Variants in PCDH15 observed in about 807,000 individuals in gnomAD.
PCDH15 encodes protocadherin-15.
A neutral mutation model predicts 178.5 loss-of-function variants in PCDH15; 129 were observed. The observed-to-expected ratio is 0.72, with a 90% confidence interval of 0.63 to 0.84. The LOEUF (loss-of-function observed/expected upper bound fraction) is 0.84. Among genes scored for constraint, PCDH15 ranks in the 40% least tolerant of loss-of-function variants. PCDH15 has a pLI of 0.00. For synonymous variants in PCDH15, 800 were observed against 732.0 expected (o/e 1.09, Z -1.50); for missense variants, 2,230 against 2,099.9 (o/e 1.06, Z -1.21).
At chr10:54,057,280 A>G (rs1210730194) in intron 18 of PCDH15, among the ~76,000 whole-genome samples, 1 of 152,342 alleles carries the variant, frequency 6.6e-6, no homozygotes, top group Admixed American at 6.5e-5. Context: ...TCCCTTCTGC[A>G]CTACCCTGGC....
At chr10:53,819,083 A>G (rs2076164031) in intron 33 of PCDH15, among the ~76,000 whole-genome samples, 1 of 152,062 alleles carries the variant, frequency 6.6e-6, no homozygotes, top group Admixed American at 6.5e-5. Context: ...GCCAATATTT[A>G]TAAGACTGAT....
chr10:54,361,098 T>C (rs1317256023), intron 5 of PCDH15, among the ~76,000 whole-genome samples: 1 of 152,102 alleles, frequency 6.6e-6, no homozygotes, highest in African/African-American at 2.4e-5. Flanking sequence ...TCCCTTGCCA[T>C]AGCCAGATTA....
intron 1 of PCDH15, among the ~76,000 whole-genome samples, chr10:55,275,003 ATT>A: frequency 6.6e-6 from 1 of 152,060 alleles, no homozygotes; most frequent in Non-Finnish European, 1.5e-5. Context: ...CCACTAAAAA[ATT>A]ATAGAGTCCC....
chr10:54,978,871 A>G (rs1419868165), intron 2 of PCDH15, among the ~76,000 whole-genome samples: 1 of 152,148 alleles, frequency 6.6e-6, no homozygotes, highest in Non-Finnish European at 1.5e-5. Flanking sequence ...TGAGGTATAC[A>G]TGTTAGTAAA....
intron 2 of PCDH15, among the ~76,000 whole-genome samples, chr10:54,628,035 T>C (rs1338508551): frequency 1.3e-5 from 2 of 152,198 alleles, no homozygotes; most frequent in Admixed American, 6.5e-5. Flanking sequence ...TTGAGGAATA[T>C]ACTAGGATTA....
intron 3 of PCDH15, among the ~76,000 whole-genome samples, chr10:54,834,314 C>T (rs1953276241): frequency 3.3e-5 from 5 of 151,710 alleles, no homozygotes; most frequent in Admixed American, 3.3e-4. Flanking sequence ...CTTAGCTTCC[C>T]AAGTAGCTGG....
At chr10:54,531,102 G>A (rs2083868474) in intron 2 of PCDH15, among the ~76,000 whole-genome samples, 1 of 152,146 alleles carries the variant, frequency 6.6e-6, no homozygotes, top group African/African-American at 2.4e-5. Flanking sequence ...GTACCCTATG[G>A]TCTGTGGATC....
intron 2 of PCDH15, among the ~76,000 whole-genome samples, chr10:55,445,814 T>C (rs1370390208): frequency 6.6e-6 from 1 of 152,176 alleles, no homozygotes; most frequent in East Asian, 1.9e-4. Flanking sequence ...TTCTTGGTCC[T>C]TTGATTCATT....
intron 3 of PCDH15, among the ~76,000 whole-genome samples, chr10:54,452,113 C>A (rs2076516493): frequency 6.6e-6 from 1 of 151,916 alleles, no homozygotes; most frequent in African/African-American, 2.4e-5. Context: ...GAGGCATATT[C>A]TGATTAGTGA....
rs558254414 is a variant in PCDH15, at chr10:54,733,065, G to A, written c.-29+67860C>T. Among the ~76,000 whole-genome samples the A allele has an allele frequency of 1.2e-3, 182 of 151,574 alleles. 1 individual carries two copies. Among genetic ancestry groups the A allele is most frequent in the African/African-American group, 4.2e-3 (174 of 41,466 alleles). ...AACGTACAGCTAACATTATAATGGC[G>A]AAAGACTGACAAAGCAAGTATATCT... On this transcript the variant is annotated intron_variant, in intron 1 of 37. Transcript: ENST00000644397.
intron 2 of PCDH15, among the ~76,000 whole-genome samples, chr10:55,611,719 C>A (rs1003499851): frequency 2.0e-5 from 3 of 152,022 alleles, no homozygotes; most frequent in African/African-American, 4.8e-5. Context: ...TTCATTGCAG[C>A]ATTATTCACA....
chr10:54,928,973 G>T (rs914524006), intron 2 of PCDH15, among the ~76,000 whole-genome samples: 3 of 152,222 alleles, frequency 2.0e-5, no homozygotes, highest in African/African-American at 7.2e-5. Context: ...ATGGAAAGGT[G>T]ATGTGGTTGT....
At chr10:55,253,271 C>A (rs1841895490) in intron 1 of PCDH15, among the ~76,000 whole-genome samples, 1 of 148,002 alleles carries the variant, frequency 6.8e-6, no homozygotes, top group South Asian at 2.1e-4. Context: ...TGTGTGTGTG[C>A]ATGCAAGTAA....
intron 6 of PCDH15, among the ~76,000 whole-genome samples, chr10:54,340,953 G>A (rs554876355): frequency 3.4e-4 from 51 of 152,168 alleles, no homozygotes; most frequent in African/African-American, 1.2e-3. Context: ...GCCTCTTAAC[G>A]TGCATGCTTC....
intron 2 of PCDH15, among the ~76,000 whole-genome samples, chr10:55,103,798 T>C (rs1197104337): frequency 1.3e-5 from 2 of 152,098 alleles, no homozygotes; most frequent in African/African-American, 4.8e-5. Context: ...CACTTGAATG[T>C]CTTTTGGGTT....
At chr10:55,125,046 C>G (rs1837862154) in intron 2 of PCDH15, among the ~76,000 whole-genome samples, 1 of 151,972 alleles carries the variant, frequency 6.6e-6, no homozygotes, top group Admixed American at 6.6e-5. Context: ...AAAAGTGATA[C>G]TGATGGGACT....
rs754391973 is a variant in PCDH15, at chr10:53,961,790, G to C, written c.2971C>G (p.Arg991Gly). ...GTAGGTTCTTCATTAAGATTGACTCGTGTTATTACTCTTCCAGAATCTTCT... is the reference window on the plus strand; with the variant it reads ...GTAGGTTCTTCATTAAGATTGACTCCTGTTATTACTCTTCCAGAATCTTCT... The part of the protein sequence containing the change: ...VEEDSGRVIT[R>G]VNLNEEPTTI... Residue 991 changes from arginine (R) to glycine (G), a missense_variant, in exon 22 of 38, where the codon CGA becomes GGA. Transcript: ENST00000644397. 24 of 1,610,818 alleles carry C rather than the reference G, an allele frequency of 1.5e-5. No homozygotes were observed. The South Asian group carries it at 2.6e-4, about 18-fold the overall frequency.
At chr10:55,544,380 G>A (rs1288780463) in intron 2 of PCDH15, among the ~76,000 whole-genome samples, 3 of 151,044 alleles carry the variant, frequency 2.0e-5, no homozygotes, top group Admixed American at 1.3e-4. Flanking sequence ...ATTTCTTCAC[G>A]AATCAAATTT....
chr10:54,914,867 C>A (rs180831629), intron 2 of PCDH15, among the ~76,000 whole-genome samples: 32 of 152,272 alleles, frequency 2.1e-4, no homozygotes, highest in African/African-American at 7.2e-4. Context: ...TGGTAAGTGT[C>A]GTCCTCACTC....
Sources: gnomAD v4.1 joint callset for allele counts (sites outside exome capture counted in the v4.1 genomes callset) on GRCh38, gnomAD v4.1.1 for gene constraint, MANE v1.5 for transcripts, NCBI Gene and HGNC (gene_info 2026-07-23, HGNC 2026-07-21) for gene names.